Variants in MAGI1 observed in about 807,000 individuals in gnomAD.
The protein encoded by MAGI1 is membrane associated guanylate kinase, WW and PDZ domain containing 1.
A neutral mutation model predicts 139.9 loss-of-function variants in MAGI1; 58 were observed. The observed-to-expected ratio is 0.41, with a 90% CI of 0.34 to 0.52. The LOEUF (loss-of-function observed/expected upper bound fraction) is 0.52. Ranked by LOEUF, MAGI1 falls within the 20% of genes least tolerant of loss-of-function variation. The probability of loss-of-function intolerance (pLI) is 0.12; values close to 1 mark genes in which losing one functional copy is unlikely to be tolerated. For synonymous variants in MAGI1, 812 were observed against 737.9 expected, an observed-to-expected ratio of 1.10 and a Z score of -1.63; for missense variants, 1,874 against 1,901.6, an observed-to-expected ratio of 0.99 and a Z score of 0.27.
rs987212176 is a variant in MAGI1 at position 65,769,240 on chromosome 3, G to A, written c.314-147152C>T. Among the ~76,000 whole-genome samples the A allele has an allele frequency of 8.5e-5, 13 of 152,210 alleles. No individual in the cohort carries two copies. The South Asian group carries it at 2.7e-3, about 32-fold the overall frequency. On this transcript the variant is annotated intron_variant, in intron 1 of 22. Transcript: ENST00000402939. The stretch of plus-strand genomic sequence containing the variant: ...ACTTAGGTATATAATCCTCATATAT[G>A]CATATAATGGGGTTTTTACTTGGTT...
intron 2 of MAGI1, among the ~76,000 whole-genome samples, chr3:65,505,097 C>T (rs560275606): frequency 5.9e-5 from 9 of 152,174 alleles, no homozygotes; most frequent in Admixed American, 2.0e-4. Context: ...TATACCCTAG[C>T]GCTAAAAGTT....
rs1341754211 is a variant in MAGI1, at chr3:65,510,488, C to T, written c.431-16857G>A. Reference sequence around the variant, plus strand: ...GCTGATGGAGCTGAAAACCAAGGCTCGAGAACTACGTGAAGAATGCAGAAG... The same window carrying T: ...GCTGATGGAGCTGAAAACCAAGGCTTGAGAACTACGTGAAGAATGCAGAAG... On this transcript the variant is annotated intron_variant, in intron 2 of 22. Coordinates refer to ENST00000402939, the MANE Select transcript of MAGI1 (RefSeq NM_001033057.2). Among the ~76,000 whole-genome samples the T allele has an allele frequency of 4.7e-3, 697 of 148,630 alleles. 6 individuals carry two copies. The highest frequency in any genetic ancestry group is 0.016 in the African/African-American group (640 of 40,088).
At chr3:65,529,197 T>G (rs1249058615) in intron 2 of MAGI1, among the ~76,000 whole-genome samples, 1 of 152,194 alleles carries the variant, frequency 6.6e-6, no homozygotes, top group African/African-American at 2.4e-5. Context: ...TAGATACTTT[T>G]CACATTTTGG....
chr3:65,467,360 T>C (rs1950238945), intron 5 of MAGI1, among the ~76,000 whole-genome samples: 1 of 152,216 alleles, frequency 6.6e-6, no homozygotes. Context: ...TAATTTGCTA[T>C]TCAATGGAAG....
intron 1 of MAGI1, among the ~76,000 whole-genome samples, chr3:65,757,234 A>G (rs192532644): frequency 6.6e-6 from 1 of 152,364 alleles, no homozygotes; most frequent in Non-Finnish European, 1.5e-5. Flanking sequence ...TAACCATTCC[A>G]GAGGACCAAA....
chr3:65,951,238 T>C (rs1158544946), intron 1 of MAGI1, among the ~76,000 whole-genome samples: 2 of 152,234 alleles, frequency 1.3e-5, no homozygotes, highest in Non-Finnish European at 2.9e-5. Context: ...TGGTCCAATA[T>C]GGTAACCCCC....
At chr3:65,565,141 G>A (rs1193034269) in intron 2 of MAGI1, among the ~76,000 whole-genome samples, 2 of 152,164 alleles carry the variant, frequency 1.3e-5, no homozygotes, top group Non-Finnish European at 1.5e-5. Context: ...ATTCATTAAA[G>A]GTGAAACACA....
At chr3:65,845,952 G>A (rs2058978005) in intron 1 of MAGI1, among the ~76,000 whole-genome samples, 1 of 152,184 alleles carries the variant, frequency 6.6e-6, no homozygotes, top group Non-Finnish European at 1.5e-5. Context: ...CTGGTTCAAA[G>A]ATGAAAAGCA....
chr3:65,610,655 A>G (rs963673079), intron 2 of MAGI1, among the ~76,000 whole-genome samples: 4 of 149,838 alleles, frequency 2.7e-5, no homozygotes, highest in African/African-American at 9.9e-5. Context: ...AACTCCAATA[A>G]TTCTATAAGG....
intron 1 of MAGI1, 54 bp downstream of exon 1, chr3:66,037,942 C>A: frequency 2.0e-6 from 3 of 1,516,712 alleles, no homozygotes; most frequent in South Asian, 2.7e-5. Flanking sequence ...AGGGGCAGCC[C>A]ACAGACCACC....
intron 3 of MAGI1, 99 bp downstream of exon 3, chr3:65,493,413 A>G (rs1009548831): frequency 1.5e-5 from 21 of 1,420,660 alleles, no homozygotes; most frequent in Non-Finnish European, 1.9e-5. Flanking sequence ...TTATTTGTTT[A>G]GACCTCCAGA....
chr3:65,984,271 GT>G (rs1234578464), intron 1 of MAGI1, among the ~76,000 whole-genome samples: 3 of 152,166 alleles, frequency 2.0e-5, no homozygotes, highest in African/African-American at 4.8e-5. Flanking sequence ...TCCAGCCTGC[GT>G]GACAGAGTGA....
intron 2 of MAGI1, among the ~76,000 whole-genome samples, chr3:65,571,445 G>T (rs560833489): frequency 4.7e-4 from 71 of 152,048 alleles, no homozygotes; most frequent in African/African-American, 1.7e-3. Context: ...GGATCCAAAT[G>T]ATCTTAAATT....
intron 1 of MAGI1, among the ~76,000 whole-genome samples, chr3:65,645,929 T>C (rs912270964): frequency 1.3e-5 from 2 of 150,738 alleles, no homozygotes; most frequent in African/African-American, 4.9e-5. Context: ...ACATTATAGA[T>C]AAATCAAAAT....
At position 65,700,259 on chromosome 3, in the gene MAGI1, T is replaced by C. The variant is rs116183616; in HGVS notation, c.314-78171A>G. 3.2e-3 allele frequency among the ~76,000 whole-genome samples: 490 copies of C among 152,098 alleles called. 5 individuals are homozygous for C. The highest frequency in any genetic ancestry group is 0.011 in the African/African-American group (468 of 41,488). ...GAGTTCAAGACCAGCCTGGCCAACA[T>C]AGTGAAATCCGGCCTCTACTAAAAA... On this transcript the variant is annotated intron_variant, in intron 1 of 22. Coordinates refer to ENST00000402939, the MANE Select transcript of MAGI1 (RefSeq NM_001033057.2).
At chr3:65,705,383 CAAG>C (rs2030022977) in intron 1 of MAGI1, among the ~76,000 whole-genome samples, 1 of 152,134 alleles carries the variant, frequency 6.6e-6, no homozygotes, top group Non-Finnish European at 1.5e-5. Context: ...AGTAAGCCCT[CAAG>C]AGGAGCAATA....
chr3:65,714,912 T>C (rs1163296559), intron 1 of MAGI1, among the ~76,000 whole-genome samples: 1 of 152,082 alleles, frequency 6.6e-6, no homozygotes, highest in East Asian at 1.9e-4. Flanking sequence ...TAGATATTAA[T>C]GATGGTGTCT....
At chr3:65,999,287 T>C (rs2066617343) in intron 1 of MAGI1, among the ~76,000 whole-genome samples, 2 of 151,990 alleles carry the variant, frequency 1.3e-5, no homozygotes, top group South Asian at 4.2e-4. Flanking sequence ...TTCAATGAAA[T>C]TATAATTTAG....
At chr3:65,749,686 T>C (rs1035610493) in intron 1 of MAGI1, among the ~76,000 whole-genome samples, 4 of 133,972 alleles carry the variant, frequency 3.0e-5, no homozygotes, top group African/African-American at 8.4e-5. Flanking sequence ...AAAATAAATA[T>C]ATAAAACCAG....
Sources: allele counts gnomAD v4.1 joint callset (sites outside exome capture counted in the v4.1 genomes callset), GRCh38; gene constraint gnomAD v4.1.1; transcripts MANE v1.5; gene names NCBI Gene and HGNC (gene_info 2026-07-23, HGNC 2026-07-21).